SGMS1: variants seen among roughly 807,000 people sequenced by gnomAD.
The protein encoded by SGMS1 is phosphatidylcholine:ceramide cholinephosphotransferase 1.
A neutral mutation model predicts 46.2 loss-of-function variants in SGMS1; 13 were observed. The observed-to-expected ratio is 0.28, with a 90% CI of 0.18 to 0.45. The LOEUF is 0.45. Among genes scored for constraint, SGMS1 ranks in the 20% least tolerant of loss-of-function variants. SGMS1 has a pLI of 1.00. For missense variants in SGMS1, 324 were observed against 519.9 expected (o/e 0.62, Z 3.66); for synonymous variants, 203 against 187.8 (o/e 1.08, Z -0.66).
Position 50,305,876 on chromosome 10 carries a change from T to A in SGMS1, c.*1266A>T, listed in dbSNP as rs550619482. ...TCTTCATTCTTAAAAAACTATTTTG[T>A]TCTCCACATTGGCAAGTATAGAATA... is the stretch of plus-strand genomic sequence containing the variant. On this transcript the variant is annotated 3_prime_UTR_variant, in exon 11 of 11. Transcript: ENST00000361781. 4 of 152,858 alleles carry A rather than the reference T, an allele frequency of 2.6e-5. No individual in the cohort carries two copies. The highest frequency in any genetic ancestry group is 2.6e-4 in the Admixed American group (4 of 15,304). 9.5% of individuals were successfully genotyped at this position (152,858 alleles called of 1,614,324 possible). A position where few individuals can be genotyped will look rare whatever the true frequency, so the allele number is the denominator to read the frequency against.
At chr10:50,544,961 T>C (rs1838087442) in intron 2 of SGMS1, among the ~76,000 whole-genome samples, 1 of 152,246 alleles carries the variant, frequency 6.6e-6, no homozygotes, top group Non-Finnish European at 1.5e-5. Flanking sequence ...AAATTATTCA[T>C]AGCTTCTTTA....
At chr10:50,549,423 CAGCA>C (rs1442417054) in intron 2 of SGMS1, among the ~76,000 whole-genome samples, 1 of 152,170 alleles carries the variant, frequency 6.6e-6, no homozygotes, top group Non-Finnish European at 1.5e-5. Context: ...CCATTATCCT[CAGCA>C]AACTAACACA....
At chr10:50,377,758 A>G (rs1374152625) in intron 6 of SGMS1, among the ~76,000 whole-genome samples, 1 of 151,968 alleles carries the variant, frequency 6.6e-6, no homozygotes, top group East Asian at 1.9e-4. Context: ...GCAGGGACAT[A>G]CTCCCTCTGG....
intron 5 of SGMS1, among the ~76,000 whole-genome samples, chr10:50,454,661 C>T (rs999309603): frequency 7.9e-5 from 12 of 152,104 alleles, no homozygotes; most frequent in Non-Finnish European, 1.5e-5. Flanking sequence ...TACAGTCCAG[C>T]AATTTATTAT....
chr10:50,536,699 C>A (rs1290393911), intron 2 of SGMS1, among the ~76,000 whole-genome samples: 1 of 152,162 alleles, frequency 6.6e-6, no homozygotes, highest in Admixed American at 6.5e-5. Flanking sequence ...TTATTGAAAT[C>A]TTAATCTGTT....
intron 3 of SGMS1, among the ~76,000 whole-genome samples, chr10:50,519,276 G>A (rs1270425097): frequency 6.6e-6 from 1 of 152,142 alleles, no homozygotes; most frequent in East Asian, 1.9e-4. Flanking sequence ...ACACTGTTTC[G>A]TTCATCTAAC....
chr10:50,347,138 GTGTC>G (rs1371847268), intron 6 of SGMS1, among the ~76,000 whole-genome samples: 4 of 152,174 alleles, frequency 2.6e-5, no homozygotes, highest in Non-Finnish European at 4.4e-5. Flanking sequence ...CTGTGACTAA[GTGTC>G]TGTCTAGACT....
intron 2 of SGMS1, among the ~76,000 whole-genome samples, chr10:50,586,907 A>G (rs920557723): frequency 6.6e-6 from 1 of 152,264 alleles, no homozygotes; most frequent in Non-Finnish European, 1.5e-5. Flanking sequence ...CACATCTAGT[A>G]AAATAAATAA....
chr10:50,502,075 T>G (rs1328704072), intron 3 of SGMS1, among the ~76,000 whole-genome samples: 2 of 151,892 alleles, frequency 1.3e-5, no homozygotes, highest in Non-Finnish European at 2.9e-5. Flanking sequence ...ATATGTGGGG[T>G]TGGCCTTGCC....
chr10:50,328,095 T>C lies in SGMS1; in HGVS notation c.624-773A>G, dbSNP rs767215304. ...TATTATTAGGTTCTAACAAAATTAT[T>C]TGATATATACATGTAGGTTTGTATC... On this transcript the variant is annotated intron_variant, in intron 7 of 10. Coordinates refer to ENST00000361781, the MANE Select transcript of SGMS1 (RefSeq NM_147156.4). The C allele has an allele frequency of 5.7e-5, 22 of 387,142 alleles. No individual in the cohort carries two copies. The East Asian group carries it at 1.7e-3, about 31-fold the overall frequency. 24.0% of individuals were successfully genotyped at this position (387,142 alleles called of 1,614,324 possible).
intron 6 of SGMS1, among the ~76,000 whole-genome samples, chr10:50,344,742 G>A (rs1847888162): frequency 2.0e-5 from 3 of 151,972 alleles, no homozygotes; most frequent in Admixed American, 2.0e-4. Context: ...GGTGGCGGGC[G>A]CCTGTAGTCC....
intron 5 of SGMS1, among the ~76,000 whole-genome samples, chr10:50,438,158 A>G (rs1849498078): frequency 6.6e-6 from 1 of 152,216 alleles, no homozygotes; most frequent in South Asian, 2.1e-4. Flanking sequence ...GTCAGACTCT[A>G]AAGTGGCCCC....
intron 1 of SGMS1, among the ~76,000 whole-genome samples, chr10:50,621,183 A>G (rs1264815995): frequency 2.0e-5 from 3 of 148,094 alleles, no homozygotes; most frequent in Non-Finnish European, 4.6e-5. Flanking sequence ...TCTCAAAAGA[A>G]AAACAAACAA....
chr10:50,447,939 A>G (rs1329840901), intron 5 of SGMS1, among the ~76,000 whole-genome samples: 2 of 152,124 alleles, frequency 1.3e-5, no homozygotes, highest in Non-Finnish European at 1.5e-5. Context: ...TTCACCCCCA[A>G]ATTCCACAGC....
chr10:50,434,883 CA>C (rs11398784), intron 5 of SGMS1, among the ~76,000 whole-genome samples: 101 of 110,356 alleles, frequency 9.2e-4, no homozygotes, highest in Admixed American at 1.8e-3. Context: ...GACTCCGTCT[CA>C]AAAAAAAAAA....
At chr10:50,350,545 C>T (rs76361642) in intron 6 of SGMS1, among the ~76,000 whole-genome samples, 2,227 of 152,194 alleles carry the variant, frequency 0.015, 27 homozygotes, top group Non-Finnish European at 0.023. Context: ...AGGAGGAAAA[C>T]GTTGTTTCAT....
chr10:50,517,505 A>G (rs983357277), intron 3 of SGMS1, among the ~76,000 whole-genome samples: 10 of 152,196 alleles, frequency 6.6e-5, no homozygotes, highest in Non-Finnish European at 1.3e-4. Context: ...GGGAAAAACA[A>G]GAAAGAAAAT....
Position 50,422,704 on chromosome 10 carries a change from C to T in SGMS1, c.-232+10772G>A, listed in dbSNP as rs565044531. Among the ~76,000 whole-genome samples the T allele has an allele frequency of 3.3e-4, 50 of 152,298 alleles. No homozygotes were observed. In the South Asian group the frequency reaches 6.2e-3, roughly 19 times the overall value. On this transcript the variant is annotated intron_variant, in intron 6 of 10. Coordinates refer to ENST00000361781, the MANE Select transcript of SGMS1 (RefSeq NM_147156.4). ...TCTATTTACCAACAGGTGCTCCTAA[C>T]CATAATGGTAGCAAAGGACAGTTCT... is the stretch of plus-strand genomic sequence containing the variant.
At chr10:50,535,660 G>A (rs930646190) in intron 2 of SGMS1, among the ~76,000 whole-genome samples, 4 of 151,928 alleles carry the variant, frequency 2.6e-5, no homozygotes, top group South Asian at 2.1e-4. Flanking sequence ...GAGCCACCAC[G>A]CCAGGCCAAG....
Sources: gnomAD v4.1 joint callset for allele counts (sites outside exome capture counted in the v4.1 genomes callset) on GRCh38, gnomAD v4.1.1 for gene constraint, MANE v1.5 for transcripts, NCBI Gene and HGNC (gene_info 2026-07-23, HGNC 2026-07-21) for gene names.